The following FGF14 variants were observed in gnomAD, a reference collection of about 807,000 sequenced individuals.
FGF14 encodes fibroblast growth factor 14, also known as fibroblast growth factor homologous factor 4.
A neutral mutation model predicts 25.5 loss-of-function variants in FGF14; 5 were observed. The observed-to-expected ratio is 0.20, with a 90% CI of 0.10 to 0.41. The LOEUF (loss-of-function observed/expected upper bound fraction) is 0.41, where lower values mean the gene tolerates loss of function less well. Ranked by LOEUF, FGF14 falls within the 10% of genes least tolerant of loss-of-function variation. The pLI, the probability that FGF14 is intolerant of heterozygous loss-of-function variation, is 1.00. For missense variants in FGF14, 222 were observed against 320.1 expected, an observed-to-expected ratio of 0.69 and a Z score of 2.34; for synonymous variants, 138 against 118.3, an observed-to-expected ratio of 1.17 and a Z score of -1.08.
intron 1 of FGF14, among the ~76,000 whole-genome samples, chr13:102,326,966 G>T (rs937374630): frequency 6.6e-6 from 1 of 152,170 alleles, no homozygotes; most frequent in African/African-American, 2.4e-5. Flanking sequence ...GTTCTGTTCA[G>T]CTCATGTGTT....
intron 2 of FGF14, among the ~76,000 whole-genome samples, chr13:101,869,519 C>T (rs917828426): frequency 6.6e-6 from 1 of 152,014 alleles, no homozygotes; most frequent in African/African-American, 2.4e-5. Flanking sequence ...ACTTAACATC[C>T]CTTTAATGTA....
intron 1 of FGF14, among the ~76,000 whole-genome samples, chr13:102,012,744 G>C (rs538320589): frequency 3.3e-5 from 5 of 152,274 alleles, no homozygotes; most frequent in African/African-American, 7.2e-5. Context: ...CCGCACTGGG[G>C]CTTGTGAGGA....
rs1170062477 is a variant in FGF14, at chr13:102,080,597, G to A, written c.209-205301C>T. ...AAAATCAACCATCCAGTTTCCAAATGTGTAAAATGTGTGGGAAAATCAAGC... is the reference window on the plus strand; with the variant it reads ...AAAATCAACCATCCAGTTTCCAAATATGTAAAATGTGTGGGAAAATCAAGC... On this transcript the variant is annotated intron_variant, in intron 1 of 4. Coordinates refer to the FGF14 transcript ENST00000376131. 2.0e-5 allele frequency among the ~76,000 whole-genome samples: 3 copies of A among 152,152 alleles called. 1 individual carries two copies. The highest frequency in any genetic ancestry group is 4.4e-5 in the Non-Finnish European group (3 of 68,036).
Position 101,889,058 on chromosome 13 carries a change from C to T in FGF14, c.194-13762G>A, listed in dbSNP as rs559494584. ...TAAAAGACCACAGGTAGACCCAGGG[C>T]GAAGACAGCATCTACAAGCCAAGGA... On this transcript the variant is annotated intron_variant, in intron 1 of 4. Transcript: ENST00000376143. Among the ~76,000 whole-genome samples the T allele has an allele frequency of 1.5e-3, 226 of 152,158 alleles. 2 individuals are homozygous for T. Among genetic ancestry groups the T allele is most frequent in the Non-Finnish European group, 6.9e-4 (47 of 67,994 alleles).
chr13:101,713,658 C>T lies in FGF14; in HGVS notation c.*9173G>A, dbSNP rs551087203. ...GAGAACTTCTGTCTTGGATACCATT[C>T]ATCATCTCATTTATTTTCTTTTATT... On this transcript the variant is annotated 3_prime_UTR_variant, in exon 5 of 5. Transcript: ENST00000376143. 4 of 152,268 alleles carry T rather than the reference C, an allele frequency of 2.6e-5. No homozygotes were observed. Among genetic ancestry groups the T allele is most frequent in the Admixed American group, 1.3e-4 (2 of 15,294 alleles). The allele number at this position is 152,268 out of a possible 1,614,324, so 9.4% of individuals were successfully genotyped here.
intron 3 of FGF14, among the ~76,000 whole-genome samples, chr13:101,817,919 G>A (rs2041921985): frequency 1.3e-5 from 2 of 152,126 alleles, no homozygotes; most frequent in Admixed American, 6.5e-5. Flanking sequence ...AAAAATATTA[G>A]TTACCACGTA....
intron 1 of FGF14, among the ~76,000 whole-genome samples, chr13:101,971,592 G>A (rs1307913214): frequency 6.6e-6 from 1 of 152,118 alleles, no homozygotes; most frequent in Non-Finnish European, 1.5e-5. Flanking sequence ...GGCTGGTCTT[G>A]AACTTCTGAG....
intron 3 of FGF14, among the ~76,000 whole-genome samples, chr13:101,834,018 T>A (rs1457434750): frequency 6.6e-6 from 1 of 152,108 alleles, no homozygotes; most frequent in Admixed American, 6.6e-5. Flanking sequence ...CCATAGCTGC[T>A]TCATTTCTGA....
At chr13:102,353,748 G>A (rs1297652945) in intron 1 of FGF14, among the ~76,000 whole-genome samples, 1 of 151,988 alleles carries the variant, frequency 6.6e-6, no homozygotes, top group Middle Eastern at 3.4e-3. Context: ...CTACACTCTC[G>A]ACCCCTCAAA....
chr13:101,849,762 A>T (rs2140352282), intron 3 of FGF14, among the ~76,000 whole-genome samples: 1 of 152,172 alleles, frequency 6.6e-6, no homozygotes, highest in South Asian at 2.1e-4. Flanking sequence ...CTGATCCTGC[A>T]TTGTTGAGAG....
At chr13:102,080,082 C>G (rs1310843988) in intron 1 of FGF14, among the ~76,000 whole-genome samples, 1 of 152,108 alleles carries the variant, frequency 6.6e-6, no homozygotes, top group Admixed American at 6.6e-5. Context: ...AACTTGCCTC[C>G]TCTTTTCATT....
At chr13:101,884,366 T>C (rs2045883491) in intron 1 of FGF14, among the ~76,000 whole-genome samples, 1 of 152,042 alleles carries the variant, frequency 6.6e-6, no homozygotes, top group Non-Finnish European at 1.5e-5. Flanking sequence ...TGACATGTCA[T>C]TTTCAACAAT....
intron 1 of FGF14, among the ~76,000 whole-genome samples, chr13:102,270,908 G>C (rs755657490): frequency 3.3e-5 from 5 of 152,130 alleles, no homozygotes; most frequent in Non-Finnish European, 7.4e-5. Context: ...TTGATTTAAT[G>C]CAAGTATCAT....
intron 1 of FGF14, among the ~76,000 whole-genome samples, chr13:102,336,747 G>A (rs2056799534): frequency 6.6e-6 from 1 of 152,164 alleles, no homozygotes; most frequent in Non-Finnish European, 1.5e-5. Context: ...AGGGACTAAT[G>A]CAGCTGGCGA....
chr13:102,389,433 G>T (rs2058380871), intron 1 of FGF14, among the ~76,000 whole-genome samples: 1 of 152,174 alleles, frequency 6.6e-6, no homozygotes, highest in African/African-American at 2.4e-5. Flanking sequence ...AGTGCCAAGA[G>T]AAATAGAAAA....
chr13:101,800,119 A>T (rs1313652935), intron 3 of FGF14, among the ~76,000 whole-genome samples: 1 of 152,118 alleles, frequency 6.6e-6, no homozygotes, highest in Admixed American at 6.6e-5. Context: ...AGACAGAAAG[A>T]GTGTCTCGAA....
intron 4 of FGF14, 39 bp from the exon 5 acceptor site, chr13:101,723,006 G>A: frequency 6.2e-7 from 1 of 1,612,352 alleles, no homozygotes; most frequent in Admixed American, 1.7e-5. Context: ...AGCAAACATT[G>A]CTTGGTTAGG....
intron 1 of FGF14, among the ~76,000 whole-genome samples, chr13:102,277,789 C>A (rs922222282): frequency 1.3e-5 from 2 of 152,202 alleles, no homozygotes; most frequent in African/African-American, 4.8e-5. Context: ...TTACAGTGAA[C>A]CCACAAAAGT....
intron 1 of FGF14, among the ~76,000 whole-genome samples, chr13:102,390,952 TAC>T (rs1277260012): frequency 6.6e-6 from 1 of 152,192 alleles, no homozygotes; most frequent in African/African-American, 2.4e-5. Flanking sequence ...TAATTTGAAG[TAC>T]AGAAAGAAAA....
Sources: gnomAD v4.1 joint callset for allele counts (sites outside exome capture counted in the v4.1 genomes callset) on GRCh38, gnomAD v4.1.1 for gene constraint, MANE v1.5 for transcripts, NCBI Gene and HGNC (gene_info 2026-07-23, HGNC 2026-07-21) for gene names.